ASAP2: variants seen among roughly 807,000 people sequenced by gnomAD.
ASAP2 encodes ArfGAP with SH3 domain, ankyrin repeat and PH domain 2, also known as arf-GAP with SH3 domain, ANK repeat and PH domain-containing protein 2.
A neutral mutation model predicts 131.4 loss-of-function variants in ASAP2; 45 were observed. That is an observed-to-expected ratio of 0.34 (90% CI 0.27 to 0.44). ASAP2 has a LOEUF of 0.44. Ranked by LOEUF, ASAP2 falls within the 20% of genes least tolerant of loss-of-function variation. The pLI is 1.00. For missense variants in ASAP2, 1,011 were observed against 1,297.0 expected (o/e 0.78, Z 3.39); for synonymous variants, 510 against 503.0 (o/e 1.01, Z -0.19).
chr2:9,207,037 G>GAGCCTGCTGCGGCAGTTGA lies in ASAP2; in HGVS notation c.-67_-49dup. Reference sequence around the variant, plus strand: ...AGCGGCGGTGTCCGAGCGGCGGTCGGAGCCTGCTGCGGCAGTTGAGGCGGC... The same window carrying GAGCCTGCTGCGGCAGTTGA: ...AGCGGCGGTGTCCGAGCGGCGGTCGGAGCCTGCTGCGGCAGTTGAAGCCTGCTGCGGCAGTTGAGGCGGC... On this transcript the variant is annotated 5_prime_UTR_variant, in exon 1 of 28. Coordinates refer to ENST00000281419, the MANE Select transcript of ASAP2 (RefSeq NM_003887.3). The surrounding 1 kb of genome is among the most constrained non-coding windows in gnomAD (Gnocchi z 4.1). The GAGCCTGCTGCGGCAGTTGA allele has an allele frequency of 7.9e-7, 1 of 1,266,136 alleles. No individual in the cohort carries two copies. The highest frequency in any genetic ancestry group is 1.6e-5 in the African/African-American group (1 of 64,196). The allele number at this position is 1,266,136 out of a possible 1,614,324, so 78.4% of individuals were successfully genotyped here. A position where few individuals can be genotyped will look rare whatever the true frequency, so the allele number is the denominator to read the frequency against.
At chr2:9,301,560 C>A (rs767087863) in intron 3 of ASAP2, among the ~76,000 whole-genome samples, 1 of 152,186 alleles carries the variant, frequency 6.6e-6, no homozygotes, top group Non-Finnish European at 1.5e-5. Flanking sequence ...CATTTCAGGG[C>A]AGGTTTCTGA....
intron 20 of ASAP2, among the ~76,000 whole-genome samples, chr2:9,381,705 C>T (rs1290846249): frequency 1.3e-5 from 2 of 152,156 alleles, no homozygotes; most frequent in East Asian, 1.9e-4. Flanking sequence ...TCACTGCACT[C>T]CAGCCTGGGC....
At chr2:9,302,110 A>T (rs939459704) in intron 3 of ASAP2, among the ~76,000 whole-genome samples, 6 of 123,638 alleles carry the variant, frequency 4.9e-5, no homozygotes, top group Non-Finnish European at 8.2e-5. Flanking sequence ...GGCGTGAGCC[A>T]CCGCGCCCGG....
intron 1 of ASAP2, among the ~76,000 whole-genome samples, chr2:9,259,775 G>C (rs896038237): frequency 6.6e-6 from 1 of 152,224 alleles, no homozygotes; most frequent in Non-Finnish European, 1.5e-5. Context: ...GAACTCATCT[G>C]AGGCCGACAG....
At position 9,207,771 on chromosome 2, in the gene ASAP2, C is replaced by G. The variant is rs1296900314; in HGVS notation, c.126+541C>G. Reference sequence around the variant, plus strand: ...CAGGGCGGCCTGGCTGCGCTCCACCCGTGCCCGGAGAAGGAACTGCGGGCA... The same window carrying G: ...CAGGGCGGCCTGGCTGCGCTCCACCGGTGCCCGGAGAAGGAACTGCGGGCA... On this transcript the variant is annotated intron_variant, in intron 1 of 27. Coordinates refer to ENST00000281419, the MANE Select transcript of ASAP2 (RefSeq NM_003887.3). This position sits in a 1 kb window ranked among gnomAD's most constrained non-coding sequence, Gnocchi z 4.1. 6.6e-6 allele frequency among the ~76,000 whole-genome samples: 1 copy of G among 152,138 alleles called. No homozygotes were observed. Among genetic ancestry groups the G allele is most frequent in the African/African-American group, 2.4e-5 (1 of 41,446 alleles).
intron 1 of ASAP2, among the ~76,000 whole-genome samples, chr2:9,208,887 A>G (rs773786115): frequency 6.6e-6 from 1 of 152,204 alleles, no homozygotes; most frequent in Non-Finnish European, 1.5e-5. Flanking sequence ...AGAAAGCTTG[A>G]TTATGTTTAA....
At chr2:9,337,131 C>T (rs1671256436) in intron 9 of ASAP2, among the ~76,000 whole-genome samples, 1 of 152,236 alleles carries the variant, frequency 6.6e-6, no homozygotes. Flanking sequence ...AGCCCATCTG[C>T]CCCTGATTGC....
At chr2:9,245,249 A>G (rs1329988310) in intron 1 of ASAP2, among the ~76,000 whole-genome samples, 1 of 152,100 alleles carries the variant, frequency 6.6e-6, no homozygotes, top group South Asian at 2.1e-4. Context: ...GGCTTTGTTG[A>G]GGAGGGTGTT....
chr2:9,388,147 G>C, intron 21 of ASAP2, 147 bp from the exon 22 acceptor site: 1 of 952,304 alleles, frequency 1.1e-6, no homozygotes, highest in Non-Finnish European at 1.5e-6. Context: ...CACGCAACTT[G>C]TAGCTCTCAG....
At chr2:9,242,407 C>G (rs1468775903) in intron 1 of ASAP2, among the ~76,000 whole-genome samples, 2 of 152,150 alleles carry the variant, frequency 1.3e-5, no homozygotes, top group Admixed American at 6.6e-5. Context: ...TTCTAGAAGC[C>G]TTTTCTTCTG....
chr2:9,342,731 G>A (rs1269661455), intron 9 of ASAP2, among the ~76,000 whole-genome samples: 1 of 152,198 alleles, frequency 6.6e-6, no homozygotes, highest in Non-Finnish European at 1.5e-5. Flanking sequence ...GGCTGCCTGT[G>A]CCTTGGGATG....
At chr2:9,384,705 G>A (rs999389924) in intron 20 of ASAP2, among the ~76,000 whole-genome samples, 8 of 152,226 alleles carry the variant, frequency 5.3e-5, no homozygotes, top group Non-Finnish European at 1.0e-4. Context: ...AGGGGACATG[G>A]GGGTTCCATG....
At chr2:9,368,593 A>G (rs960008152) in intron 16 of ASAP2, 74 bp downstream of exon 16, 8 of 1,354,518 alleles carry the variant, frequency 5.9e-6, no homozygotes, top group Admixed American at 5.2e-5. Flanking sequence ...AGGCAGGGGA[A>G]TAAGAAGTTT....
intron 16 of ASAP2, among the ~76,000 whole-genome samples, chr2:9,370,750 A>C (rs1448988470): frequency 1.3e-5 from 2 of 152,172 alleles, no homozygotes; most frequent in Non-Finnish European, 2.9e-5. Flanking sequence ...TGTACCCTGC[A>C]TTGATTCCAT....
At chr2:9,401,439 A>T (rs1383240884) in intron 27 of ASAP2, 43 bp downstream of exon 27, 1 of 1,602,698 alleles carries the variant, frequency 6.2e-7, no homozygotes, top group South Asian at 1.1e-5. Context: ...GGGCTGAGCC[A>T]CGTCCCTGCC....
intron 9 of ASAP2, among the ~76,000 whole-genome samples, chr2:9,338,375 C>A (rs888025800): frequency 6.6e-6 from 1 of 152,144 alleles, no homozygotes; most frequent in Non-Finnish European, 1.5e-5. Flanking sequence ...TTCTCTTGCT[C>A]CCTCTTTTTC....
At chr2:9,237,414 CTTT>C (rs35375516) in intron 1 of ASAP2, among the ~76,000 whole-genome samples, 2 of 131,958 alleles carry the variant, frequency 1.5e-5, no homozygotes. Flanking sequence ...GTCTTTTGGT[CTTT>C]TTTTTTTTTT....
intron 3 of ASAP2, among the ~76,000 whole-genome samples, chr2:9,314,965 A>T (rs1669546089): frequency 6.7e-6 from 1 of 150,142 alleles, no homozygotes; most frequent in Non-Finnish European, 1.5e-5. Context: ...ATATTGGAGG[A>T]TCTGGGGGAG....
At chr2:9,242,091 G>A (rs1004536877) in intron 1 of ASAP2, among the ~76,000 whole-genome samples, 3 of 152,172 alleles carry the variant, frequency 2.0e-5, no homozygotes, top group Non-Finnish European at 2.9e-5. Flanking sequence ...CCTCACAGGC[G>A]TTCGTTGTGT....
Sources: gnomAD v4.1 joint callset for allele counts (sites outside exome capture counted in the v4.1 genomes callset) on GRCh38, gnomAD v4.1.1 for gene constraint, Gnocchi (gnomAD v3.1) non-coding constraint, MANE v1.5 for transcripts, NCBI Gene and HGNC (gene_info 2026-07-23, HGNC 2026-07-21) for gene names.